Variants in LRRC4C observed in about 807,000 individuals in gnomAD.
The protein encoded by LRRC4C is leucine rich repeat containing 4C, also known as leucine-rich repeat-containing protein 4C.
LRRC4C carries 5 observed loss-of-function variants against 33.6 expected under a neutral mutation model. The observed-to-expected ratio is 0.15, with a 90% CI of 0.08 to 0.31. The LOEUF is 0.31. LRRC4C is among the 10% of genes least tolerant of loss of function. The pLI is 1.00. For synonymous variants in LRRC4C, 329 were observed against 302.0 expected (o/e 1.09, Z -0.93); for missense variants, 560 against 796.7 (o/e 0.70, Z 3.58).
At chr11:40,817,106 G>A (rs1488903423) in intron 2 of LRRC4C, among the ~76,000 whole-genome samples, 3 of 152,090 alleles carry the variant, frequency 2.0e-5, no homozygotes, top group Non-Finnish European at 2.9e-5. Flanking sequence ...AATAAGGATC[G>A]AAAGCTAGAA....
Position 40,547,044 on chromosome 11 carries a change from T to C in LRRC4C, c.-270+101098A>G, listed in dbSNP as rs539399273. 5.3e-5 allele frequency among the ~76,000 whole-genome samples: 8 copies of C among 152,300 alleles called. 1 individual carries two copies. Among genetic ancestry groups the C allele is most frequent in the African/African-American group, 1.9e-4 (8 of 41,582 alleles). On this transcript the variant is annotated intron_variant, in intron 3 of 6. Coordinates refer to ENST00000528697, the MANE Select transcript of LRRC4C (RefSeq NM_001258419.2). ...TACACAGCCTTCGCTGTAAGTTGGCTTCCAGCCTTAACGTAGTGTTCTTAA... is the reference window on the plus strand; with the variant it reads ...TACACAGCCTTCGCTGTAAGTTGGCCTCCAGCCTTAACGTAGTGTTCTTAA...
chr11:40,880,831 C>G (rs1203429410), intron 2 of LRRC4C, among the ~76,000 whole-genome samples: 2 of 148,858 alleles, frequency 1.3e-5, no homozygotes, highest in Non-Finnish European at 3.0e-5. Context: ...GATAATTTCA[C>G]TTAGACATGA....
intron 2 of LRRC4C, among the ~76,000 whole-genome samples, chr11:40,876,470 C>T (rs1346360458): frequency 1.3e-5 from 2 of 151,954 alleles, no homozygotes; most frequent in Non-Finnish European, 2.9e-5. Flanking sequence ...ATGTTATCTG[C>T]CAACTTGAAC....
intron 1 of LRRC4C, among the ~76,000 whole-genome samples, chr11:41,000,427 G>T (rs1854292605): frequency 6.6e-6 from 1 of 152,132 alleles, no homozygotes; most frequent in South Asian, 2.1e-4. Context: ...CCCATAGATT[G>T]GTTTTACTGG....
intron 1 of LRRC4C, among the ~76,000 whole-genome samples, chr11:41,107,514 A>T (rs921272856): frequency 2.0e-5 from 3 of 152,156 alleles, no homozygotes; most frequent in Non-Finnish European, 4.4e-5. Context: ...AACAAAGAAT[A>T]AAAATAAAAA....
In LRRC4C at chr11:41,315,676, A is replaced by T. The variant is rs116725749; in HGVS notation, c.-496+143755T>A. Among the ~76,000 whole-genome samples the T allele has an allele frequency of 2.5e-3, 375 of 152,322 alleles. 2 individuals carry two copies. The highest frequency in any genetic ancestry group is 8.7e-3 in the African/African-American group (360 of 41,582). ...CTCCTTAAGCTGCCCTTGCATTCTA[A>T]CTCATAGAAACTATAAGGGAATGAA... On this transcript the variant is annotated intron_variant, in intron 1 of 6. Transcript: ENST00000528697.
chr11:40,643,181 T>TACAC (rs1039629642), intron 3 of LRRC4C, among the ~76,000 whole-genome samples: 3 of 151,842 alleles, frequency 2.0e-5, no homozygotes, highest in African/African-American at 4.8e-5. Context: ...TACATATATA[T>TACAC]ACACACACAC....
chr11:40,913,630 T>A (rs1257256559), intron 2 of LRRC4C, among the ~76,000 whole-genome samples: 2 of 152,080 alleles, frequency 1.3e-5, no homozygotes, highest in African/African-American at 4.8e-5. Flanking sequence ...ACATCACTAT[T>A]AAAGGAACTT....
At chr11:40,566,055 G>A (rs1013248440) in intron 3 of LRRC4C, among the ~76,000 whole-genome samples, 5 of 124,926 alleles carry the variant, frequency 4.0e-5, no homozygotes, top group Non-Finnish European at 8.6e-5. Flanking sequence ...TTTGTTATTC[G>A]TAAATTAACT....
At chr11:40,373,119 T>A (rs1298106984) in intron 3 of LRRC4C, among the ~76,000 whole-genome samples, 3 of 152,012 alleles carry the variant, frequency 2.0e-5, no homozygotes, top group Non-Finnish European at 4.4e-5. Flanking sequence ...GGTTTCCTAA[T>A]TATAAAGTCA....
Position 40,719,848 on chromosome 11 carries a change from G to A in LRRC4C, c.-406-71570C>T, listed in dbSNP as rs1393077194. Among the ~76,000 whole-genome samples, 11 of 151,984 alleles carry A rather than the reference G, an allele frequency of 7.2e-5. No individual in the cohort carries two copies. In the East Asian group the frequency reaches 7.7e-4, roughly 11 times the overall value. ...TTTCCCTGACACATTGAAGAAAATC[G>A]GATTCAAAGTGGCTAGTGAAATTGT... On this transcript the variant is annotated intron_variant, in intron 2 of 6. Transcript: ENST00000528697.
intron 1 of LRRC4C, among the ~76,000 whole-genome samples, chr11:40,972,269 TG>T (rs1851779148): frequency 6.6e-6 from 1 of 151,998 alleles, no homozygotes; most frequent in Non-Finnish European, 1.5e-5. Flanking sequence ...CTTCAGTAGC[TG>T]GGATTACAAG....
At chr11:40,646,031 GTTTT>G (rs57017910) in intron 3 of LRRC4C, among the ~76,000 whole-genome samples, 2 of 141,618 alleles carry the variant, frequency 1.4e-5, no homozygotes, top group African/African-American at 2.6e-5. Flanking sequence ...ATTCCTCAGT[GTTTT>G]TTTTTTTTTT....
At chr11:40,784,078 ATT>A (rs966678371) in intron 2 of LRRC4C, among the ~76,000 whole-genome samples, 4 of 115,624 alleles carry the variant, frequency 3.5e-5, no homozygotes, top group Non-Finnish European at 6.3e-5. Flanking sequence ...AAAGATGTTT[ATT>A]TATATATATA....
chr11:40,724,506 A>G (rs905843524), intron 2 of LRRC4C, among the ~76,000 whole-genome samples: 4 of 152,162 alleles, frequency 2.6e-5, no homozygotes, highest in Admixed American at 2.0e-4. Context: ...CCTGAATGAC[A>G]TCTGCATAAA....
At chr11:40,890,696 A>T (rs1487249949) in intron 2 of LRRC4C, among the ~76,000 whole-genome samples, 1 of 152,134 alleles carries the variant, frequency 6.6e-6, no homozygotes, top group Non-Finnish European at 1.5e-5. Flanking sequence ...TGGGATTCCC[A>T]ACATTTACCA....
intron 3 of LRRC4C, among the ~76,000 whole-genome samples, chr11:40,550,266 C>T (rs1957081692): frequency 6.6e-6 from 1 of 152,096 alleles, no homozygotes; most frequent in Non-Finnish European, 1.5e-5. Context: ...ATGTCTGCCT[C>T]TCCCTTAAAT....
intron 1 of LRRC4C, among the ~76,000 whole-genome samples, chr11:41,307,394 C>A (rs1194416791): frequency 1.3e-5 from 2 of 152,130 alleles, no homozygotes; most frequent in Non-Finnish European, 2.9e-5. Context: ...AGAAGTCAAG[C>A]CCCAGGGACC....
At chr11:40,750,826 A>C (rs1948658073) in intron 2 of LRRC4C, among the ~76,000 whole-genome samples, 1 of 150,384 alleles carries the variant, frequency 6.6e-6, no homozygotes, top group African/African-American at 2.5e-5. Context: ...AAAAAAGAAA[A>C]GTAGAGACCA....
Sources: gnomAD v4.1 joint callset for allele counts (sites outside exome capture counted in the v4.1 genomes callset) on GRCh38, gnomAD v4.1.1 for gene constraint, MANE v1.5 for transcripts, NCBI Gene and HGNC (gene_info 2026-07-23, HGNC 2026-07-21) for gene names.